The following CNTRL variants were observed in gnomAD, a reference collection of about 807,000 sequenced individuals.
CNTRL encodes centriolin, also known as 110 kDa centrosomal protein.
Under a neutral mutation model 303.7 loss-of-function variants are expected in CNTRL, and 233 were observed. The observed-to-expected ratio is 0.77, with a 90% CI of 0.69 to 0.86. The LOEUF (loss-of-function observed/expected upper bound fraction) is 0.86, where lower values mean the gene tolerates loss of function less well. CNTRL is among the 40% of genes least tolerant of loss of function. CNTRL has a pLI of 0.00. For missense variants in CNTRL, 2,524 were observed against 2,650.6 expected, an observed-to-expected ratio of 0.95 and a Z score of 1.05; for synonymous variants, 900 against 922.2, an observed-to-expected ratio of 0.98 and a Z score of 0.44.
intron 14 of CNTRL, among the ~76,000 whole-genome samples, chr9:121,134,497 A>ATG (rs765175995): frequency 3.9e-5 from 6 of 152,048 alleles, no homozygotes; most frequent in Non-Finnish European, 8.8e-5. Context: ...AGGTTTCACC[A>ATG]TGTTGGCCAG....
At chr9:121,152,239 G>T (rs2052314091) in intron 25 of CNTRL, 1 of 440,428 alleles carries the variant, frequency 2.3e-6, no homozygotes, top group Admixed American at 3.6e-5. Context: ...GGAGGCAGAG[G>T]TTATCCACAA....
intron 25 of CNTRL, among the ~76,000 whole-genome samples, chr9:121,151,260 T>C (rs770509519): frequency 2.0e-5 from 3 of 152,158 alleles, no homozygotes; most frequent in South Asian, 2.1e-4. Flanking sequence ...TTTTAATGAC[T>C]GTACAACATT....
chr9:121,106,275 G>T (rs10739589), intron 7 of CNTRL, among the ~76,000 whole-genome samples: 56,765 of 149,630 alleles, frequency 0.38, 12,150 homozygotes, highest in South Asian at 0.64. Context: ...GTAGACGGAG[G>T]CTGCAGTGAG....
intron 14 of CNTRL, among the ~76,000 whole-genome samples, chr9:121,129,248 C>T (rs1436567225): frequency 1.3e-5 from 2 of 152,146 alleles, no homozygotes; most frequent in East Asian, 1.9e-4. Context: ...GCCATTTTCA[C>T]GGTATTGATT....
chr9:121,109,090 C>T (rs1564214884), intron 8 of CNTRL, among the ~76,000 whole-genome samples: 1 of 152,116 alleles, frequency 6.6e-6, no homozygotes. Context: ...CATGGATGCT[C>T]AAGTCCTTTA....
chr9:121,171,538 T>C lies in CNTRL; in HGVS notation c.6407T>C (p.Leu2136Pro), dbSNP rs1157970625. 1 of 1,613,440 alleles carries C rather than the reference T, an allele frequency of 6.2e-7. No homozygotes were observed. The highest frequency in any genetic ancestry group is 1.1e-5 in the South Asian group (1 of 91,004). Residue 2136 changes from leucine to proline, a missense_variant, in exon 40 of 44, where the codon CTC becomes CCC. Transcript: ENST00000373855. ...LNQMQYEYTELKKQMANQKDL... is the reference protein window; with the variant it reads ...LNQMQYEYTEPKKQMANQKDL... ...CAGATGCAGTATGAGTACACGGAGCTCAAGAAACAGGTGTGTGCCCAGAAA... is the reference window on the plus strand; with the variant it reads ...CAGATGCAGTATGAGTACACGGAGCCCAAGAAACAGGTGTGTGCCCAGAAA...
chr9:121,126,051 T>C, intron 14 of CNTRL, 115 bp downstream of exon 14: 1 of 765,410 alleles, frequency 1.3e-6, no homozygotes, highest in Non-Finnish European at 2.1e-6. Context: ...TTAGTGGCTA[T>C]ATGGTGATTT....
intron 14 of CNTRL, among the ~76,000 whole-genome samples, chr9:121,127,598 A>G (rs931523862): frequency 1.3e-5 from 2 of 152,074 alleles, no homozygotes; most frequent in African/African-American, 4.8e-5. Context: ...GTCACCAATT[A>G]CTATTTTAAC....
At chr9:121,104,766 A>G (rs1189552345) in intron 7 of CNTRL, among the ~76,000 whole-genome samples, 2 of 136,768 alleles carry the variant, frequency 1.5e-5, no homozygotes, top group African/African-American at 5.5e-5. Flanking sequence ...CAATGGTGCG[A>G]TCTCAGCTCA....
At chr9:121,131,709 T>C (rs1239684468) in intron 14 of CNTRL, among the ~76,000 whole-genome samples, 1 of 152,246 alleles carries the variant, frequency 6.6e-6, no homozygotes, top group Non-Finnish European at 1.5e-5. Flanking sequence ...CGTTAGTTGA[T>C]GCAGTTTCTT....
chr9:121,075,891 C>A (rs185785236), intron 1 of CNTRL, among the ~76,000 whole-genome samples: 1 of 152,112 alleles, frequency 6.6e-6, no homozygotes, highest in Non-Finnish European at 1.5e-5. Context: ...AGTGGAAAAT[C>A]AGAATTTGAA....
At chr9:121,104,240 C>G (rs1020960495) in intron 7 of CNTRL, among the ~76,000 whole-genome samples, 5 of 152,150 alleles carry the variant, frequency 3.3e-5, no homozygotes, top group African/African-American at 1.2e-4. Flanking sequence ...ATGGTTGAAG[C>G]TGGAAACCAT....
rs779470775 is a variant in CNTRL, at chr9:121,157,763, A to T, written c.4520A>T (p.Asp1507Val). 1.2e-6 allele frequency: 2 copies of T among 1,614,098 alleles called. No individual in the cohort carries two copies. The highest frequency in any genetic ancestry group is 2.7e-5 in the African/African-American group (2 of 74,932). ...AGATCGCTCCAGGCTGATGCAAAGGATTTGGAGCAGCACAAAATCAAGCAA... is the reference window on the plus strand; with the variant it reads ...AGATCGCTCCAGGCTGATGCAAAGGTTTTGGAGCAGCACAAAATCAAGCAA... Reference protein sequence around the residue: ...QLRSLQADAKDLEQHKIKQEE... With the variant: ...QLRSLQADAKVLEQHKIKQEE... The change falls in exon 29 of 44, where the codon GAT becomes GTT. Residue 1507 changes from aspartate (D) to valine (V), a missense_variant. Transcript: ENST00000373855.
At chr9:121,103,853 A>T (rs1304127464) in intron 7 of CNTRL, among the ~76,000 whole-genome samples, 3 of 152,234 alleles carry the variant, frequency 2.0e-5, no homozygotes, top group South Asian at 2.1e-4. Flanking sequence ...TTAGAATGGC[A>T]ATCATTAAAA....
intron 1 of CNTRL, among the ~76,000 whole-genome samples, chr9:121,078,750 T>G (rs1588029088): frequency 6.6e-6 from 1 of 152,220 alleles, no homozygotes; most frequent in South Asian, 2.1e-4. Context: ...CTAGAGCAGC[T>G]CACAGAATTC....
Position 121,138,643 on chromosome 9 carries a change from G to C in CNTRL, c.2301G>C (p.Glu767Asp). ...KAQFSEEKEQ[E>D]NSELHAKLKH... ...AGTTCTCAGAAGAAAAGGAGCAAGA[G>C]AACAGTGAGCTCCATGCAAAACTTA... Residue 767 changes from glutamate (E) to aspartate (D), a missense_variant, in exon 16 of 44, where the codon GAG (glutamate) becomes GAC (aspartate). Coordinates refer to ENST00000373855, the MANE Select transcript of CNTRL (RefSeq NM_007018.6). 1.2e-6 allele frequency: 2 copies of C among 1,613,948 alleles called. No homozygotes were observed. Among genetic ancestry groups the C allele is most frequent in the South Asian group, 2.2e-5 (2 of 91,080 alleles).
At chr9:121,176,172 C>A (rs1243674162) in intron 43 of CNTRL, among the ~76,000 whole-genome samples, 3 of 152,142 alleles carry the variant, frequency 2.0e-5, no homozygotes, top group African/African-American at 7.2e-5. Flanking sequence ...AGGACTTATC[C>A]TTTTATATAG....
intron 40 of CNTRL, 34 bp downstream of exon 40, chr9:121,171,582 G>T: frequency 6.2e-7 from 1 of 1,604,260 alleles, no homozygotes; most frequent in South Asian, 1.1e-5. Context: ...GGCCAGCCTG[G>T]GGAGAGAGGA....
At chr9:121,140,874 C>G (rs926768897) in intron 17 of CNTRL, 88 bp downstream of exon 17, 40 of 1,315,526 alleles carry the variant, frequency 3.0e-5, no homozygotes, top group Admixed American at 2.1e-4. Context: ...ACTCACCTTT[C>G]TAAGTTCTGT....
Sources: gnomAD v4.1 joint callset for allele counts (sites outside exome capture counted in the v4.1 genomes callset) on GRCh38, gnomAD v4.1.1 for gene constraint, MANE v1.5 for transcripts, NCBI Gene and HGNC (gene_info 2026-07-23, HGNC 2026-07-21) for gene names.